NUS1: variants seen among roughly 807,000 people sequenced by gnomAD.
The protein encoded by NUS1 is dehydrodolichyl diphosphate synthase complex subunit NUS1.
For synonymous variants in NUS1, 135 were observed against 155.2 expected (o/e 0.87, Z 0.97); for missense variants, 292 against 382.9 (o/e 0.76, Z 1.98).
Position 117,703,610 on chromosome 6 carries a change from A to G in NUS1, c.697A>G (p.Asn233Asp), listed in dbSNP as rs779757878. The G allele has an allele frequency of 1.2e-6, 2 of 1,611,646 alleles. No homozygotes were observed. Reference protein sequence around the residue: ...VDTLASLLSSNGCPDPDLVLK... With the variant: ...VDTLASLLSSDGCPDPDLVLK... Reference sequence around the variant, plus strand: ...TGTATTTATTTATTTCCAAGGTTCAAATGGTTGTCCTGATCCTGATTTAGT... The same window carrying G: ...TGTATTTATTTATTTCCAAGGTTCAGATGGTTGTCCTGATCCTGATTTAGT... The change falls in exon 4 of 5, where the codon AAT (asparagine) becomes GAT (aspartate). Residue 233 changes from asparagine to aspartate, a missense_variant. By Grantham distance (23) the Asn-to-Asp change is conservative. Transcript: ENST00000368494.
intron 4 of NUS1, among the ~76,000 whole-genome samples, 190 bp downstream of exon 4, chr6:117,703,894 T>C (rs191570907): frequency 2.3e-3 from 347 of 152,298 alleles, no homozygotes; most frequent in Non-Finnish European, 3.5e-3. Flanking sequence ...TGTATAGTTG[T>C]GCAGATGTTT....
chr6:117,676,376 C>G (rs562832045), intron 1 of NUS1, among the ~76,000 whole-genome samples: 5 of 152,214 alleles, frequency 3.3e-5, no homozygotes, highest in Non-Finnish European at 7.4e-5. Flanking sequence ...GTCGGGAGTT[C>G]GAGACCAGCC....
At chr6:117,706,835 C>A in intron 4 of NUS1, 90 bp from the exon 5 acceptor site, 1 of 1,006,278 alleles carries the variant, frequency 9.9e-7, no homozygotes, top group Non-Finnish European at 1.6e-6. Flanking sequence ...GTATTCTATT[C>A]TTAACTTCTT....
At chr6:117,688,382 A>G (rs577407845) in intron 1 of NUS1, among the ~76,000 whole-genome samples, 2 of 152,230 alleles carry the variant, frequency 1.3e-5, no homozygotes, top group African/African-American at 4.8e-5. Flanking sequence ...GGGAGAGTAG[A>G]GAGAATGCCT....
chr6:117,696,917 AGAT>A (rs1460429721), intron 3 of NUS1, among the ~76,000 whole-genome samples: 1 of 152,156 alleles, frequency 6.6e-6, no homozygotes, highest in East Asian at 1.9e-4. Context: ...AAAGACTAAA[AGAT>A]GACCCAGTCA....
Position 117,675,806 on chromosome 6 carries a change from G to C in NUS1, c.136G>C (p.Ala46Pro). 1.3e-6 allele frequency: 2 copies of C among 1,564,926 alleles called. No individual in the cohort carries two copies. The highest frequency in any genetic ancestry group is 2.3e-5 in the South Asian group (2 of 85,714). Residue 46 changes from alanine (A) to proline (P), a missense_variant, in exon 1 of 5, where the codon GCC becomes CCC. By Grantham distance (27) the Ala-to-Pro change is conservative. Coordinates refer to ENST00000368494, the MANE Select transcript of NUS1 (RefSeq NM_138459.5). ...GCGGCGCTGCTGCCGCGCCGCCTCT[G>C]CCGCGGTCCTAGCGCCGCTCGGCTT... ...IWRRCCRAAS[A>P]AVLAPLGFTL...
At chr6:117,679,098 A>G (rs983120122) in intron 1 of NUS1, among the ~76,000 whole-genome samples, 1 of 152,248 alleles carries the variant, frequency 6.6e-6, no homozygotes, top group Non-Finnish European at 1.5e-5. Flanking sequence ...AGTACAAGAA[A>G]TGGTGTCTCT....
intron 1 of NUS1, among the ~76,000 whole-genome samples, chr6:117,677,286 A>G (rs1772998572): frequency 6.6e-6 from 1 of 152,220 alleles, no homozygotes; most frequent in African/African-American, 2.4e-5. Context: ...TATTGTGAGA[A>G]GAGAGGAGAG....
In NUS1 at chr6:117,697,156, C is replaced by T. The variant is rs557312802; in HGVS notation, c.691+2976C>T. On this transcript the variant is annotated intron_variant, in intron 3 of 4. Coordinates refer to ENST00000368494, the MANE Select transcript of NUS1 (RefSeq NM_138459.5). ...TGGTAACCTCCAATCAAAAAACATA[C>T]AAGAGATACACAAAAAAATAAAAAG... Among the ~76,000 whole-genome samples, 23 of 151,834 alleles carry T rather than the reference C, an allele frequency of 1.5e-4. No homozygotes were observed. In the East Asian group the frequency reaches 3.9e-3, roughly 26 times the overall value.
At chr6:117,679,276 C>A (rs374162989) in intron 1 of NUS1, among the ~76,000 whole-genome samples, 1 of 152,118 alleles carries the variant, frequency 6.6e-6, no homozygotes, top group East Asian at 1.9e-4. Flanking sequence ...TGGACCTAGT[C>A]AAAAAGATAG....
chr6:117,695,960 C>A (rs1292203506), intron 3 of NUS1, among the ~76,000 whole-genome samples: 1 of 152,018 alleles, frequency 6.6e-6, no homozygotes, highest in Non-Finnish European at 1.5e-5. Flanking sequence ...GGTTAATGCA[C>A]ATGTGGTTTG....
chr6:117,699,128 A>G (rs1773362442), intron 3 of NUS1, among the ~76,000 whole-genome samples: 1 of 152,172 alleles, frequency 6.6e-6, no homozygotes, highest in Non-Finnish European at 1.5e-5. Flanking sequence ...GTTATTTAGC[A>G]TAGCACTGGC....
intron 4 of NUS1, among the ~76,000 whole-genome samples, chr6:117,705,942 A>G (rs1773493899): frequency 6.6e-6 from 1 of 152,156 alleles, no homozygotes; most frequent in Non-Finnish European, 1.5e-5. Context: ...CAGTCTGAGG[A>G]AGGATAAAGA....
At chr6:117,686,195 G>C (rs1386328945) in intron 1 of NUS1, among the ~76,000 whole-genome samples, 2 of 151,748 alleles carry the variant, frequency 1.3e-5, no homozygotes, top group African/African-American at 2.4e-5. Flanking sequence ...CAGGAGAAGA[G>C]CTTGCAGTGA....
chr6:117,704,552 A>G (rs1582477609), intron 4 of NUS1, among the ~76,000 whole-genome samples: 1 of 152,198 alleles, frequency 6.6e-6, no homozygotes, highest in Non-Finnish European at 1.5e-5. Context: ...CTTTGTTTAC[A>G]AAAACAAGTA....
chr6:117,705,197 C>G (rs557067531), intron 4 of NUS1, among the ~76,000 whole-genome samples: 5 of 152,234 alleles, frequency 3.3e-5, no homozygotes, highest in African/African-American at 1.2e-4. Flanking sequence ...GAATTAGAAC[C>G]CAGATCTCCA....
At position 117,675,822 on chromosome 6, in the gene NUS1, C is replaced by T. The variant is rs1184649464; in HGVS notation, c.152C>T (p.Pro51Leu). 7 of 1,551,608 alleles carry T rather than the reference C, an allele frequency of 4.5e-6. No individual in the cohort carries two copies. Among genetic ancestry groups the T allele is most frequent in the East Asian group, 2.4e-5 (1 of 41,518 alleles). ...GCCGCCTCTGCCGCGGTCCTAGCGC[C>T]GCTCGGCTTCACGCTCCGCAAGCCC... ...CRAASAAVLA[P>L]LGFTLRKPPA... Residue 51 changes from proline to leucine, a missense_variant, in exon 1 of 5, where the codon CCG (proline) becomes CTG (leucine). Physicochemically the swap from Pro to Leu is moderately conservative, Grantham distance 98. Coordinates refer to ENST00000368494, the MANE Select transcript of NUS1 (RefSeq NM_138459.5).
chr6:117,697,293 TG>T (rs1254301977), intron 3 of NUS1, among the ~76,000 whole-genome samples: 1 of 151,890 alleles, frequency 6.6e-6, no homozygotes, highest in African/African-American at 2.4e-5. Context: ...AATAACAAAA[TG>T]GCAGGAGTAA....
chr6:117,699,364 AAG>A (rs762753121), intron 3 of NUS1, among the ~76,000 whole-genome samples: 10 of 152,206 alleles, frequency 6.6e-5, no homozygotes, highest in Non-Finnish European at 1.3e-4. Flanking sequence ...CAATCTGAAA[AAG>A]AAACCAAGAA....
Sources: gnomAD v4.1 joint callset for allele counts (sites outside exome capture counted in the v4.1 genomes callset) on GRCh38, gnomAD v4.1.1 for gene constraint, MANE v1.5 for transcripts, NCBI Gene and HGNC (gene_info 2026-07-23, HGNC 2026-07-21) for gene names.